Variants in RPS6KA2 observed in about 807,000 individuals in gnomAD.
RPS6KA2 encodes ribosomal protein S6 kinase A2.
Under a neutral mutation model 91.8 loss-of-function variants are expected in RPS6KA2, and 42 were observed. That is an observed-to-expected ratio of 0.46 (90% CI 0.36 to 0.59). The LOEUF (loss-of-function observed/expected upper bound fraction) is 0.59, where lower values mean the gene tolerates loss of function less well. RPS6KA2 is among the 20% of genes least tolerant of loss of function. The pLI is 0.00. For missense variants in RPS6KA2, 798 were observed against 978.5 expected (o/e 0.82, Z 2.46); for synonymous variants, 414 against 393.6 (o/e 1.05, Z -0.61).
At chr6:166,516,157 T>G (rs2128485235) in intron 3 of RPS6KA2, among the ~76,000 whole-genome samples, 1 of 152,282 alleles carries the variant, frequency 6.6e-6, no homozygotes, top group East Asian at 1.9e-4. Context: ...CTTTTTAAAT[T>G]AACTGAGACC....
chr6:166,807,320 T>C (rs1779516692), intron 2 of RPS6KA2, among the ~76,000 whole-genome samples: 1 of 152,206 alleles, frequency 6.6e-6, no homozygotes, highest in African/African-American at 2.4e-5. Context: ...TCTTCTTACC[T>C]AGCCTTTGGT....
intron 2 of RPS6KA2, among the ~76,000 whole-genome samples, chr6:166,778,136 G>C (rs1321653539): frequency 6.6e-6 from 1 of 152,230 alleles, no homozygotes. Flanking sequence ...CCCTGGCAGG[G>C]AGATATCGGT....
At chr6:166,454,895 GAATA>G (rs1331938199) in intron 12 of RPS6KA2, among the ~76,000 whole-genome samples, 1 of 149,568 alleles carries the variant, frequency 6.7e-6, no homozygotes, top group Non-Finnish European at 1.5e-5. Context: ...TATTAAAATA[GAATA>G]TATATTACAC....
intron 2 of RPS6KA2, among the ~76,000 whole-genome samples, chr6:166,682,748 C>T (rs1788869573): frequency 6.6e-6 from 1 of 152,162 alleles, no homozygotes; most frequent in African/African-American, 2.4e-5. Context: ...CCTGTCTCCC[C>T]ACACCCAGCA....
chr6:166,589,137 A>G (rs1393664172), intron 1 of RPS6KA2, among the ~76,000 whole-genome samples: 1 of 152,212 alleles, frequency 6.6e-6, no homozygotes, highest in Admixed American at 6.5e-5. Flanking sequence ...TTCTGGAAAC[A>G]GGTGGTCAGA....
At chr6:166,634,270 T>C (rs1373765548) in intron 2 of RPS6KA2, among the ~76,000 whole-genome samples, 1 of 152,104 alleles carries the variant, frequency 6.6e-6, no homozygotes, top group Admixed American at 6.5e-5. Context: ...GCCACAGTGA[T>C]GGAGAGCAAG....
At chr6:166,442,009 C>T (rs912802852) in intron 14 of RPS6KA2, among the ~76,000 whole-genome samples, 3 of 152,210 alleles carry the variant, frequency 2.0e-5, no homozygotes, top group Non-Finnish European at 4.4e-5. Context: ...CCATGGCCCA[C>T]TTGGTGGCAG....
chr6:166,675,481 G>A (rs1353118957), intron 2 of RPS6KA2, among the ~76,000 whole-genome samples: 1 of 152,156 alleles, frequency 6.6e-6, no homozygotes, highest in African/African-American at 2.4e-5. Context: ...CAAGAGCAGA[G>A]AGGCTGTGAC....
intron 2 of RPS6KA2, chr6:166,702,154 G>A: frequency 2.5e-6 from 4 of 1,588,024 alleles, no homozygotes; most frequent in Non-Finnish European, 1.7e-6. Flanking sequence ...TTTTAGACTG[G>A]GTCTGTTTGG....
rs371330862 is a variant in RPS6KA2 at position 166,561,598 on chromosome 6, T to TC, written c.100-22815dup. On this transcript the variant is annotated intron_variant, in intron 1 of 20. Transcript: ENST00000265678. ...GGGTCAGTGCTTACCTGTGACAGTT[T>TC]CTAGCAGGCAAGACGGCTGAAGGGG... Among the ~76,000 whole-genome samples the TC allele has an allele frequency of 3.7e-3, 565 of 151,946 alleles. 3 individuals are homozygous for TC. The highest frequency in any genetic ancestry group is 0.013 in the African/African-American group (544 of 41,386).
At chr6:166,466,898 C>CTTACTCATTCACTCCCTCA (rs1780549393) in intron 11 of RPS6KA2, among the ~76,000 whole-genome samples, 1 of 150,198 alleles carries the variant, frequency 6.7e-6, no homozygotes, top group Non-Finnish European at 1.5e-5. Flanking sequence ...TCACTCACTC[C>CTTACTCATTCACTCCCTCA]CTCATTCACT....
intron 1 of RPS6KA2, among the ~76,000 whole-genome samples, chr6:166,568,478 G>A (rs1341411434): frequency 6.6e-6 from 1 of 151,850 alleles, no homozygotes; most frequent in Non-Finnish European, 1.5e-5. Context: ...TTAGCCGGTC[G>A]TGGTGGCAGG....
intron 2 of RPS6KA2, among the ~76,000 whole-genome samples, chr6:166,655,073 C>A (rs533065176): frequency 1.4e-3 from 213 of 152,326 alleles, no homozygotes; most frequent in African/African-American, 4.9e-3. Context: ...CCCACCGCAA[C>A]CCCAAACTTT....
chr6:166,518,464 A>G (rs9457174), intron 3 of RPS6KA2, among the ~76,000 whole-genome samples: 13,152 of 152,160 alleles, frequency 0.086, 672 homozygotes, highest in East Asian at 0.17. Flanking sequence ...AAACAAGCAG[A>G]AAAAAGGTCA....
At chr6:166,831,468 C>G (rs1280788927) in intron 2 of RPS6KA2, among the ~76,000 whole-genome samples, 2 of 152,022 alleles carry the variant, frequency 1.3e-5, no homozygotes, top group African/African-American at 4.8e-5. Context: ...CCCTGCCAGA[C>G]AGAAAGCTTC....
At chr6:166,430,265 G>A (rs985246438) in intron 16 of RPS6KA2, among the ~76,000 whole-genome samples, 188 bp downstream of exon 16, 2 of 152,148 alleles carry the variant, frequency 1.3e-5, no homozygotes, top group African/African-American at 4.8e-5. Context: ...ACTGCACCCG[G>A]CTGGGAAGAG....
intron 16 of RPS6KA2, among the ~76,000 whole-genome samples, chr6:166,427,746 G>A (rs1352310551): frequency 6.6e-6 from 1 of 152,066 alleles, no homozygotes; most frequent in Non-Finnish European, 1.5e-5. Flanking sequence ...AACTTACAAG[G>A]GACGTGAAGG....
chr6:166,468,705 T>A (rs944827501), intron 11 of RPS6KA2, among the ~76,000 whole-genome samples: 3 of 151,366 alleles, frequency 2.0e-5, no homozygotes, highest in African/African-American at 7.3e-5. Context: ...CTACTAAAAA[T>A]ATAAAAAAAA....
At chr6:166,796,750 G>A (rs940289716) in intron 2 of RPS6KA2, among the ~76,000 whole-genome samples, 17 of 152,114 alleles carry the variant, frequency 1.1e-4, no homozygotes, top group Middle Eastern at 3.4e-3. Context: ...TCCTGAGTGC[G>A]ACTGCACAGT....
Sources: gnomAD v4.1 joint callset for allele counts (sites outside exome capture counted in the v4.1 genomes callset) on GRCh38, gnomAD v4.1.1 for gene constraint, MANE v1.5 for transcripts, NCBI Gene and HGNC (gene_info 2026-07-23, HGNC 2026-07-21) for gene names.